ANKFN1: variants seen among roughly 807,000 people sequenced by gnomAD.
ANKFN1 encodes ankyrin repeat and fibronectin type-III domain-containing protein 1.
ANKFN1 carries 74 observed loss-of-function variants against 108.7 expected under a neutral mutation model. The observed-to-expected ratio is 0.68, with a 90% CI of 0.56 to 0.83. The LOEUF is 0.83. Among genes scored for constraint, ANKFN1 ranks in the 40% least tolerant of loss-of-function variants. The probability of loss-of-function intolerance (pLI) is 0.00; values close to 1 mark genes in which losing one functional copy is unlikely to be tolerated. For missense variants in ANKFN1, 1,505 were observed against 1,382.3 expected, an observed-to-expected ratio of 1.09 and a Z score of -1.41; for synonymous variants, 547 against 516.2, an observed-to-expected ratio of 1.06 and a Z score of -0.81.
chr17:56,370,444 G>A (rs2046778780), intron 6 of ANKFN1, among the ~76,000 whole-genome samples: 2 of 152,102 alleles, frequency 1.3e-5, no homozygotes, highest in South Asian at 4.1e-4. Flanking sequence ...AATTAATAGT[G>A]GGGATTTCAT....
intron 20 of ANKFN1, among the ~76,000 whole-genome samples, chr17:56,500,137 T>C (rs1029410913): frequency 7.9e-5 from 12 of 152,214 alleles, no homozygotes; most frequent in African/African-American, 2.9e-4. Context: ...ATAATACCTA[T>C]ACCTTGAAGA....
In ANKFN1 at chr17:56,445,160, T is replaced by C. The variant is rs566983755; in HGVS notation, c.1099+2227T>C. On this transcript the variant is annotated intron_variant, in intron 10 of 20. Transcript: ENST00000682825. ...ATTAGGATAAAAGGAACCAATCTCA[T>C]GTTGGGGATGGGCAGTAGTGTGTGT... Among the ~76,000 whole-genome samples the C allele has an allele frequency of 3.9e-5, 6 of 152,314 alleles. No homozygotes were observed. In the South Asian group the frequency reaches 1.0e-3, roughly 26 times the overall value.
rs1337836277 is a variant in ANKFN1 at position 56,492,222 on chromosome 17, C to T, written c.2296C>T (p.Leu766=). Residue 766 remains leucine, a synonymous_variant, in exon 19 of 21, where the codon CTG becomes TTG. Coordinates refer to ENST00000682825, the MANE Select transcript of ANKFN1 (RefSeq NM_001370326.1). ...FCSYREKFIS[L]YCRLSAVVEL... Reference sequence around the variant, plus strand: ...CAGCTACAGAGAGAAATTTATTAGTCTGTATTGCCGCCTTTCTGCTGTTGT... The same window carrying T: ...CAGCTACAGAGAGAAATTTATTAGTTTGTATTGCCGCCTTTCTGCTGTTGT... The T allele has an allele frequency of 1.4e-6, 1 of 701,970 alleles. No homozygotes were observed. Among genetic ancestry groups the T allele is most frequent in the Non-Finnish European group, 2.6e-6 (1 of 384,414 alleles). The allele number at this position is 701,970 out of a possible 1,614,324, so 43.5% of individuals were successfully genotyped here.
intron 2 of ANKFN1, among the ~76,000 whole-genome samples, chr17:56,226,123 G>T (rs901169784): frequency 1.3e-5 from 2 of 152,128 alleles, no homozygotes; most frequent in African/African-American, 2.4e-5. Flanking sequence ...GGAAGGGCAA[G>T]GGGTGGGAGG....
chr17:56,505,604 C>T (rs565518299), intron 20 of ANKFN1, among the ~76,000 whole-genome samples: 1 of 152,246 alleles, frequency 6.6e-6, no homozygotes, highest in South Asian at 2.1e-4. Flanking sequence ...CTCTAGAGTT[C>T]ATGGTCCAAT....
chr17:56,440,407 A>G lies in ANKFN1; in HGVS notation c.991A>G (p.Ile331Val). 6.2e-7 allele frequency: 1 copy of G among 1,611,598 alleles called. No homozygotes were observed. Among genetic ancestry groups the G allele is most frequent in the Non-Finnish European group, 8.5e-7 (1 of 1,178,306 alleles). The change falls in exon 9 of 21, where the codon ATC becomes GTC. Residue 331 changes from isoleucine (I) to valine (V), a missense_variant. Transcript: ENST00000682825. ...MDNLQTLRCT[I>V]TGLTMGQQYF... Reference sequence around the variant, plus strand: ...TAATCTGCAGACTCTGAGATGCACAATCACAGGACTTACAATGGTAAATGT... The same window carrying G: ...TAATCTGCAGACTCTGAGATGCACAGTCACAGGACTTACAATGGTAAATGT...
At chr17:56,470,598 C>T (rs1011253194) in intron 15 of ANKFN1, among the ~76,000 whole-genome samples, 1 of 152,098 alleles carries the variant, frequency 6.6e-6, no homozygotes, top group African/African-American at 2.4e-5. Flanking sequence ...ATGTTTTCTA[C>T]CTTTCCATCA....
At chr17:56,228,105 T>A in intron 3 of ANKFN1, 148 bp downstream of exon 3, 1 of 632,546 alleles carries the variant, frequency 1.6e-6, no homozygotes, top group Non-Finnish European at 2.6e-6. Context: ...TACTATTGAT[T>A]TGTATAACAT....
At chr17:56,479,978 G>C (rs926066896) in intron 16 of ANKFN1, among the ~76,000 whole-genome samples, 2 of 152,216 alleles carry the variant, frequency 1.3e-5, no homozygotes, top group Admixed American at 1.3e-4. Context: ...GGGCAAACCA[G>C]ATGTGCTTTC....
intron 8 of ANKFN1, among the ~76,000 whole-genome samples, chr17:56,381,308 A>G (rs2144814884): frequency 6.6e-6 from 1 of 152,322 alleles, no homozygotes; most frequent in African/African-American, 2.4e-5. Context: ...ATCAAAGACC[A>G]AAAGTCGATA....
intron 17 of ANKFN1, 146 bp from the exon 18 acceptor site, chr17:56,482,210 G>T: frequency 4.4e-6 from 3 of 677,276 alleles, no homozygotes; most frequent in Non-Finnish European, 7.2e-6. Flanking sequence ...TTATTAAATG[G>T]GCTGAACCCT....
At chr17:56,423,304 T>A (rs955887915) in intron 8 of ANKFN1, among the ~76,000 whole-genome samples, 16 of 152,192 alleles carry the variant, frequency 1.1e-4, no homozygotes, top group African/African-American at 3.1e-4. Context: ...ATAGCTAAGT[T>A]GTGGCAATTC....
intron 1 of ANKFN1, among the ~76,000 whole-genome samples, chr17:56,158,154 C>T (rs774978248): frequency 6.6e-6 from 1 of 152,116 alleles, no homozygotes; most frequent in South Asian, 2.1e-4. Flanking sequence ...ACCATGGACT[C>T]GGGGTTGGAT....
intron 4 of ANKFN1, among the ~76,000 whole-genome samples, chr17:56,068,919 T>C (rs1033787963): frequency 2.0e-5 from 3 of 152,196 alleles, no homozygotes; most frequent in Non-Finnish European, 4.4e-5. Context: ...GAAATCTACA[T>C]GATGTATGTT....
In ANKFN1 at chr17:56,235,975, C is replaced by T. The variant is rs983314375; in HGVS notation, c.53+8018C>T. 2.6e-5 allele frequency among the ~76,000 whole-genome samples: 4 copies of T among 152,134 alleles called. No individual in the cohort carries two copies. The East Asian group carries it at 7.7e-4, about 29-fold the overall frequency. On this transcript the variant is annotated intron_variant, in intron 3 of 20. Coordinates refer to ENST00000682825, the MANE Select transcript of ANKFN1 (RefSeq NM_001370326.1). ...GGCCATTTTAATCATATTGATTCTT[C>T]CTATCCATGATCCATGAGCATGGAA...
intron 19 of ANKFN1, among the ~76,000 whole-genome samples, chr17:56,495,931 G>T (rs1449221272): frequency 6.6e-6 from 1 of 152,066 alleles, no homozygotes; most frequent in Non-Finnish European, 1.5e-5. Context: ...AATTTTTAAG[G>T]GGCAGGGTGA....
intron 1 of ANKFN1, among the ~76,000 whole-genome samples, chr17:56,189,372 G>A (rs111357641): frequency 6.0e-5 from 9 of 149,490 alleles, no homozygotes; most frequent in East Asian, 4.0e-4. Flanking sequence ...GGGTTTCACC[G>A]TTTTAGCCAG....
intron 4 of ANKFN1, among the ~76,000 whole-genome samples, chr17:56,108,843 T>C (rs1281864389): frequency 6.6e-6 from 1 of 152,254 alleles, no homozygotes; most frequent in Non-Finnish European, 1.5e-5. Context: ...CTGAACCTGT[T>C]TCTCGGCATC....
intron 1 of ANKFN1, among the ~76,000 whole-genome samples, chr17:56,201,729 G>T (rs1914079470): frequency 6.6e-6 from 1 of 151,942 alleles, no homozygotes; most frequent in Admixed American, 6.6e-5. Context: ...TGTAATCGTT[G>T]TGACTTAATG....
Sources: allele counts gnomAD v4.1 joint callset (sites outside exome capture counted in the v4.1 genomes callset), GRCh38; gene constraint gnomAD v4.1.1; transcripts MANE v1.5; gene names NCBI Gene and HGNC (gene_info 2026-07-23, HGNC 2026-07-21).